Variants in MCTP2 observed in about 807,000 individuals in gnomAD.
MCTP2 encodes the protein multiple C2 and transmembrane domain-containing protein 2.
A neutral mutation model predicts 111.6 loss-of-function variants in MCTP2; 132 were observed. The observed-to-expected ratio is 1.18, with a 90% CI of 1.03 to 1.37. The LOEUF is 1.37. MCTP2 is among the 40% of genes most tolerant of loss of function. The pLI is 0.00. For synonymous variants in MCTP2, 395 were observed against 387.7 expected (o/e 1.02, Z -0.22); for missense variants, 1,183 against 1,067.9 (o/e 1.11, Z -1.50).
chr15:94,292,272 T>C (rs190430207), intron 1 of MCTP2, among the ~76,000 whole-genome samples: 1 of 152,300 alleles, frequency 6.6e-6, no homozygotes, highest in African/African-American at 2.4e-5. Context: ...TTCTCACTAA[T>C]ACTATTCACT....
chr15:94,244,772 A>G (rs1275355587), intron 1 of MCTP2, among the ~76,000 whole-genome samples: 2 of 149,256 alleles, frequency 1.3e-5, no homozygotes, highest in African/African-American at 2.5e-5. Flanking sequence ...ATATTCGTAT[A>G]TGTATACACA....
intron 1 of MCTP2, among the ~76,000 whole-genome samples, chr15:94,285,652 G>T (rs1360557765): frequency 2.0e-5 from 3 of 152,158 alleles, no homozygotes; most frequent in Non-Finnish European, 4.4e-5. Context: ...AATTAAAGTG[G>T]ATGTGTAAGT....
intron 2 of MCTP2, among the ~76,000 whole-genome samples, chr15:94,308,933 G>GAC (rs963582883): frequency 6.6e-6 from 1 of 152,142 alleles, no homozygotes; most frequent in Non-Finnish European, 1.5e-5. Context: ...AAGGTATATG[G>GAC]ACACACACAC....
intron 17 of MCTP2, among the ~76,000 whole-genome samples, chr15:94,435,912 T>G (rs562159625): frequency 7.9e-5 from 12 of 152,238 alleles, no homozygotes; most frequent in African/African-American, 2.9e-4. Flanking sequence ...ATTACAGGCG[T>G]GAGCCACCGC....
intron 4 of MCTP2, among the ~76,000 whole-genome samples, chr15:94,322,899 T>C (rs1189583589): frequency 6.6e-6 from 1 of 152,176 alleles, no homozygotes; most frequent in Non-Finnish European, 1.5e-5. Context: ...TTAGAGGGTA[T>C]GTGATTGAGC....
In MCTP2 at chr15:94,440,189, CTG is replaced by C. The variant is rs747708798; in HGVS notation, c.2101_2102del (p.Val701LeufsTer4). The C allele has an allele frequency of 1.2e-6, 2 of 1,613,848 alleles. No homozygotes were observed. Among genetic ancestry groups the C allele is most frequent in the East Asian group, 4.5e-5 (2 of 44,862 alleles). On this transcript the variant is annotated frameshift_variant, in exon 18 of 23. Transcript: ENST00000357742. LOFTEE classifies it high-confidence loss of function. The stretch of plus-strand genomic sequence containing the variant: ...TCTTTCAATCAGGTATTTTTGATCA[CTG>C]TCTGGAATTTTGAACTATATATGAT...
At chr15:94,459,665 A>T (rs892318452) in intron 20 of MCTP2, among the ~76,000 whole-genome samples, 40 of 152,240 alleles carry the variant, frequency 2.6e-4, no homozygotes, top group African/African-American at 9.6e-4. Flanking sequence ...ATATAAACAT[A>T]TTTGAAAGCA....
chr15:94,387,768 A>G (rs2152459007), intron 14 of MCTP2, among the ~76,000 whole-genome samples: 1 of 152,294 alleles, frequency 6.6e-6, no homozygotes, highest in Non-Finnish European at 1.5e-5. Flanking sequence ...AAAGAGGGAG[A>G]GGGTTGCTGG....
At chr15:94,348,573 A>G (rs1018718371) in intron 8 of MCTP2, among the ~76,000 whole-genome samples, 1 of 142,046 alleles carries the variant, frequency 7.0e-6, no homozygotes, top group Non-Finnish European at 1.5e-5. Context: ...TTGTAGTCAT[A>G]TATCTTTGGG....
intron 17 of MCTP2, 146 bp downstream of exon 17, chr15:94,402,165 A>C: frequency 7.5e-7 from 1 of 1,328,672 alleles, no homozygotes; most frequent in Non-Finnish European, 1.0e-6. Context: ...AACCCCTTAA[A>C]TTACCCAAAT....
intron 1 of MCTP2, among the ~76,000 whole-genome samples, chr15:94,234,130 T>C (rs1246169505): frequency 6.6e-6 from 1 of 152,062 alleles, no homozygotes; most frequent in Non-Finnish European, 1.5e-5. Context: ...AAGGTGTTTA[T>C]AAAAGTGTGC....
At chr15:94,383,940 C>A in intron 12 of MCTP2, 82 bp from the exon 13 acceptor site, 2 of 1,027,326 alleles carry the variant, frequency 1.9e-6, no homozygotes, top group Non-Finnish European at 3.0e-6. Context: ...GCAAGCACAA[C>A]TTTATCTGAC....
At chr15:94,318,272 ATTTTTTTTTTTTTTTT>A (rs199556945) in intron 4 of MCTP2, among the ~76,000 whole-genome samples, 69,746 of 143,800 alleles carry the variant, frequency 0.49, 18,062 homozygotes, top group East Asian at 0.61. Context: ...CAAAAAAAAA[ATTTTTTTTTTTTTTTT>A]TTTTTTTTTT....
chr15:94,455,938 TAATC>T (rs1314490547), intron 19 of MCTP2, among the ~76,000 whole-genome samples: 2 of 152,336 alleles, frequency 1.3e-5, no homozygotes, highest in East Asian at 3.9e-4. Context: ...ATATCACAAA[TAATC>T]ATTCTTCGTG....
chr15:94,406,029 T>C (rs2081879696), intron 17 of MCTP2, among the ~76,000 whole-genome samples: 1 of 152,178 alleles, frequency 6.6e-6, no homozygotes, highest in African/African-American at 2.4e-5. Flanking sequence ...TATTTCCCTA[T>C]GAATAGATTT....
intron 1 of MCTP2, among the ~76,000 whole-genome samples, chr15:94,257,985 A>G (rs939479429): frequency 4.0e-5 from 6 of 149,588 alleles, no homozygotes; most frequent in Non-Finnish European, 5.9e-5. Context: ...CCTGAGTTCA[A>G]GCAATTCTCT....
intron 5 of MCTP2, 21 bp from the exon 6 acceptor site, chr15:94,340,178 T>C: frequency 6.4e-7 from 1 of 1,560,146 alleles, no homozygotes; most frequent in Non-Finnish European, 8.8e-7. Context: ...ATGTGTTAAT[T>C]GACCTCTGTC....
intron 8 of MCTP2, among the ~76,000 whole-genome samples, chr15:94,352,967 C>T (rs931731859): frequency 2.6e-5 from 4 of 152,168 alleles, no homozygotes; most frequent in African/African-American, 9.7e-5. Flanking sequence ...GTGTGGATCA[C>T]AGATGAAACT....
chr15:94,429,689 T>C (rs1279259488), intron 17 of MCTP2, among the ~76,000 whole-genome samples: 1 of 152,212 alleles, frequency 6.6e-6, no homozygotes, highest in African/African-American at 2.4e-5. Context: ...TTCTAGTTGC[T>C]TCCTTGCTAA....
Sources: allele counts gnomAD v4.1 joint callset (sites outside exome capture counted in the v4.1 genomes callset), GRCh38; gene constraint gnomAD v4.1.1; transcripts MANE v1.5; gene names NCBI Gene and HGNC (gene_info 2026-07-23, HGNC 2026-07-21).